Variants in FOCAD observed in about 807,000 individuals in gnomAD.
FOCAD encodes the protein KIAA1797.
Under a neutral mutation model 225.6 loss-of-function variants are expected in FOCAD, and 198 were observed. The observed-to-expected ratio is 0.88, with a 90% CI of 0.78 to 0.99. The LOEUF is 0.99. FOCAD is among the 50% of genes least tolerant of loss of function. The probability of loss-of-function intolerance (pLI) is 0.00; values close to 1 mark genes in which losing one functional copy is unlikely to be tolerated. For synonymous variants in FOCAD, 897 were observed against 755.0 expected (o/e 1.19, Z -3.08); for missense variants, 2,713 against 2,123.6 (o/e 1.28, Z -5.46).
chr9:20,954,107 G>T (rs982658365), intron 35 of FOCAD, among the ~76,000 whole-genome samples: 1 of 151,890 alleles, frequency 6.6e-6, no homozygotes, highest in Admixed American at 6.6e-5. Flanking sequence ...ATTATTCTAG[G>T]GTCCTGAATT....
chr9:20,941,142 C>T (rs552357522), intron 28 of FOCAD, among the ~76,000 whole-genome samples: 1 of 152,118 alleles, frequency 6.6e-6, no homozygotes, highest in East Asian at 1.9e-4. Context: ...TGTACTCCCT[C>T]AAATGATAGA....
At chr9:20,916,413 A>G (rs138718920) in intron 23 of FOCAD, among the ~76,000 whole-genome samples, 1,982 of 152,324 alleles carry the variant, frequency 0.013, 48 homozygotes, top group African/African-American at 0.046. Flanking sequence ...CGACTATTTC[A>G]TATGTACAAT....
intron 11 of FOCAD, among the ~76,000 whole-genome samples, chr9:20,798,241 T>C (rs960440048): frequency 1.3e-5 from 2 of 152,202 alleles, no homozygotes; most frequent in African/African-American, 4.8e-5. Flanking sequence ...CTGCTGGATT[T>C]GGTTTGCCAG....
intron 1 of FOCAD, among the ~76,000 whole-genome samples, chr9:20,712,236 A>C (rs890540500): frequency 6.6e-6 from 1 of 152,188 alleles, no homozygotes; most frequent in African/African-American, 2.4e-5. Flanking sequence ...TTCCTCACAA[A>C]ACTTGGTTCC....
intron 9 of FOCAD, among the ~76,000 whole-genome samples, chr9:20,779,220 A>G (rs1290904521): frequency 6.6e-6 from 1 of 152,240 alleles, no homozygotes; most frequent in African/African-American, 2.4e-5. Context: ...TGACTTAAAG[A>G]AAAGTGAAGG....
chr9:20,843,436 T>C (rs1826752203), intron 15 of FOCAD, among the ~76,000 whole-genome samples: 1 of 152,116 alleles, frequency 6.6e-6, no homozygotes, highest in African/African-American at 2.4e-5. Context: ...CACTCTCTCC[T>C]AGCCTGTAAT....
intron 4 of FOCAD, among the ~76,000 whole-genome samples, chr9:20,738,243 G>A (rs911966339): frequency 1.3e-5 from 2 of 152,188 alleles, no homozygotes; most frequent in African/African-American, 4.8e-5. Context: ...GCAATACCTT[G>A]GTTACCCAAG....
chr9:20,939,803 G>T (rs769747020), intron 28 of FOCAD, among the ~76,000 whole-genome samples: 2 of 147,424 alleles, frequency 1.4e-5, no homozygotes, highest in African/African-American at 2.5e-5. Context: ...TGCACAACGC[G>T]CAGGTTTGTT....
chr9:20,971,096 C>G (rs1171009380), intron 35 of FOCAD, among the ~76,000 whole-genome samples: 1 of 152,130 alleles, frequency 6.6e-6, no homozygotes, highest in Non-Finnish European at 1.5e-5. Context: ...TCTGAAGGCT[C>G]TGTTCTTTTA....
upstream of FOCAD, chr9:20,683,946 A>T (rs1303155241): frequency 6.6e-6 from 1 of 152,266 alleles, no homozygotes; most frequent in Non-Finnish European, 1.5e-5. Context: ...GGCACGCTGC[A>T]GTGGCATCTC....
intron 21 of FOCAD, among the ~76,000 whole-genome samples, chr9:20,906,023 C>A (rs149247742): frequency 6.6e-6 from 1 of 150,540 alleles, no homozygotes; most frequent in Non-Finnish European, 1.5e-5. Context: ...CCCATGGATT[C>A]TTCCTATTTG....
At chr9:20,937,939 C>A (rs377412227) in intron 28 of FOCAD, among the ~76,000 whole-genome samples, 3 of 152,124 alleles carry the variant, frequency 2.0e-5, no homozygotes, top group African/African-American at 7.2e-5. Flanking sequence ...AGACACTTCT[C>A]AAAAGAAGAC....
chr9:20,990,186 C>CCT lies in FOCAD; in HGVS notation c.5072_5073dup (p.Leu1692SerfsTer86), dbSNP rs1462541969. 2.5e-6 allele frequency: 4 copies of CCT among 1,614,082 alleles called. No individual in the cohort carries two copies. Among genetic ancestry groups the CCT allele is most frequent in the Non-Finnish European group, 3.4e-6 (4 of 1,180,028 alleles). On this transcript the variant is annotated frameshift_variant, in exon 42 of 44. Coordinates refer to ENST00000338382, the MANE Select transcript of FOCAD (RefSeq NM_001375567.1). LOFTEE classifies it high-confidence loss of function. ...GGTTGCATGGGCTGACCACACTGCC[C>CCT]CTCTCCTCCTCGGCCTCAGTGCCAG...
At chr9:20,759,109 A>G (rs578051286) in intron 6 of FOCAD, among the ~76,000 whole-genome samples, 118 of 152,324 alleles carry the variant, frequency 7.7e-4, no homozygotes, top group African/African-American at 2.8e-3. Flanking sequence ...TGCTCAATGA[A>G]ATAAAAGAGG....
chr9:20,697,253 T>C (rs1823453329), intron 1 of FOCAD, among the ~76,000 whole-genome samples: 1 of 152,214 alleles, frequency 6.6e-6, no homozygotes, highest in African/African-American at 2.4e-5. Flanking sequence ...ACCTAACTGG[T>C]CCGTCTCTTT....
Position 20,963,748 on chromosome 9 carries a change from C to T in FOCAD, c.4132+10683C>T, listed in dbSNP as rs555574193. 2.0e-5 allele frequency among the ~76,000 whole-genome samples: 3 copies of T among 152,316 alleles called. No individual in the cohort carries two copies. In the South Asian group the frequency reaches 6.2e-4, roughly 32 times the overall value. ...GTTTTCTTTTTTGTGAAATCAAAGA[C>T]TGCAATCTGCAGCCAATGTTGTGTA... On this transcript the variant is annotated intron_variant, in intron 35 of 43. Transcript: ENST00000338382.
chr9:20,792,815 G>A (rs560148388), intron 11 of FOCAD, among the ~76,000 whole-genome samples: 2 of 152,146 alleles, frequency 1.3e-5, no homozygotes, highest in South Asian at 4.2e-4. Context: ...TGACTTGCTG[G>A]TCTTTAAAAA....
At chr9:20,683,055 C>G (rs868120618), upstream of FOCAD, among the ~76,000 whole-genome samples, 2 of 152,080 alleles carry the variant, frequency 1.3e-5, no homozygotes, top group African/African-American at 2.4e-5. Flanking sequence ...GTGAGCCCCC[C>G]CACCTGGCCC....
intron 5 of FOCAD, among the ~76,000 whole-genome samples, chr9:20,742,705 A>T (rs937985297): frequency 1.3e-5 from 2 of 152,196 alleles, no homozygotes; most frequent in Admixed American, 1.3e-4. Context: ...CACCGTGTGC[A>T]ATTGTTAGAC....
Sources: gnomAD v4.1 joint callset for allele counts (sites outside exome capture counted in the v4.1 genomes callset) on GRCh38, gnomAD v4.1.1 for gene constraint, MANE v1.5 for transcripts, NCBI Gene and HGNC (gene_info 2026-07-23, HGNC 2026-07-21) for gene names.